ITGB5: variants seen among roughly 807,000 people sequenced by gnomAD.
The protein encoded by ITGB5 is integrin subunit beta 5.
ITGB5 carries 38 observed loss-of-function variants against 84.8 expected under a neutral mutation model. That is an observed-to-expected ratio of 0.45 (90% CI 0.35 to 0.59). ITGB5 has a LOEUF of 0.59. ITGB5 is among the 20% of genes least tolerant of loss of function. The pLI is 0.01. For missense variants in ITGB5, 905 were observed against 1,034.5 expected (o/e 0.87, Z 1.72); for synonymous variants, 393 against 414.4 (o/e 0.95, Z 0.63).
At chr3:124,769,292 G>A in intron 11 of ITGB5, 179 bp from the exon 12 acceptor site, 4 of 574,150 alleles carry the variant, frequency 7.0e-6, no homozygotes, top group Non-Finnish European at 9.3e-6. Context: ...GAAGCCCAAG[G>A]GTTCTTGGAG....
intron 5 of ITGB5, among the ~76,000 whole-genome samples, chr3:124,838,146 G>C (rs776587091): frequency 2.7e-5 from 4 of 150,176 alleles, no homozygotes; most frequent in Non-Finnish European, 5.9e-5. Context: ...CATTAAAGAC[G>C]AACAATGAGT....
At chr3:124,860,482 T>C (rs946600561) in intron 2 of ITGB5, among the ~76,000 whole-genome samples, 26 of 152,224 alleles carry the variant, frequency 1.7e-4, no homozygotes, top group African/African-American at 5.8e-4. Flanking sequence ...AAATCTTTCT[T>C]TGGGTTTGGG....
intron 2 of ITGB5, among the ~76,000 whole-genome samples, chr3:124,872,761 CTCTT>C (rs1405160038): frequency 2.0e-5 from 3 of 152,106 alleles, no homozygotes; most frequent in East Asian, 1.9e-4. Flanking sequence ...CCCTCCCTCT[CTCTT>C]TCTTTCTTTC....
intron 2 of ITGB5, among the ~76,000 whole-genome samples, chr3:124,861,197 T>TA (rs150550465): frequency 0.023 from 3,557 of 152,220 alleles, 130 homozygotes; most frequent in African/African-American, 0.081. Context: ...TGTTTTTTTT[T>TA]AATAACGATT....
At chr3:124,813,897 T>C (rs1435767130) in intron 8 of ITGB5, among the ~76,000 whole-genome samples, 1 of 152,034 alleles carries the variant, frequency 6.6e-6, no homozygotes, top group Admixed American at 6.6e-5. Flanking sequence ...AACCCTCTAA[T>C]CACATGGCTG....
intron 9 of ITGB5, 130 bp from the exon 10 acceptor site, chr3:124,796,947 C>T (rs1371105943): frequency 2.4e-6 from 2 of 830,834 alleles, no homozygotes; most frequent in African/African-American, 1.7e-5. Flanking sequence ...GTAGAACCAC[C>T]AAGATGGCCG....
At chr3:124,852,106 C>G (rs1338316124) in intron 3 of ITGB5, among the ~76,000 whole-genome samples, 1 of 152,160 alleles carries the variant, frequency 6.6e-6, no homozygotes, top group African/African-American at 2.4e-5. Context: ...TTAAAAACAC[C>G]CGAGACTTTA....
chr3:124,810,402 G>T (rs2064479922), intron 8 of ITGB5, among the ~76,000 whole-genome samples: 1 of 152,094 alleles, frequency 6.6e-6, no homozygotes, highest in South Asian at 2.1e-4. Context: ...GGATACTCAG[G>T]TTTATTTAAT....
chr3:124,841,994 A>G (rs530492862), intron 4 of ITGB5, among the ~76,000 whole-genome samples: 5 of 152,366 alleles, frequency 3.3e-5, no homozygotes, highest in South Asian at 2.1e-4. Context: ...ACCAGCTTCT[A>G]CATCAATGTT....
intron 9 of ITGB5, among the ~76,000 whole-genome samples, chr3:124,807,941 CAAAAAAAAAAAAAAAAAAA>C (rs552552243): frequency 0.011 from 301 of 26,774 alleles, no homozygotes; most frequent in Admixed American, 0.017. Flanking sequence ...GACTTCATCT[CAAAAAAAAAAAAAAAAAAA>C]AAAAAAAAAA....
intron 1 of ITGB5, among the ~76,000 whole-genome samples, chr3:124,880,981 AGTTT>A (rs113633976): frequency 3.1e-4 from 46 of 147,822 alleles, no homozygotes; most frequent in African/African-American, 6.0e-4. Flanking sequence ...CATATGTAAA[AGTTT>A]GTTTGTTTGT....
intron 5 of ITGB5, among the ~76,000 whole-genome samples, chr3:124,828,607 C>T (rs533981861): frequency 6.6e-6 from 1 of 152,270 alleles, no homozygotes; most frequent in Non-Finnish European, 1.5e-5. Flanking sequence ...GAGTTGCTTT[C>T]GTGAGTGTAC....
intron 2 of ITGB5, among the ~76,000 whole-genome samples, chr3:124,866,639 A>T (rs114856771): frequency 0.012 from 1,766 of 152,320 alleles, 31 homozygotes; most frequent in African/African-American, 0.04. Flanking sequence ...CAGAGAGCCC[A>T]GGGGAGAAGT....
At chr3:124,767,486 G>C (rs2150923984) in intron 12 of ITGB5, among the ~76,000 whole-genome samples, 1 of 152,358 alleles carries the variant, frequency 6.6e-6, no homozygotes. Context: ...GGAAGCAGCT[G>C]TGCATGAACG....
At position 124,809,028 on chromosome 3, in the gene ITGB5, C is replaced by T; in HGVS notation, c.1257G>A (p.Gly419=). 1 of 1,613,926 alleles carries T rather than the reference C, an allele frequency of 6.2e-7. No individual in the cohort carries two copies. The part of the protein sequence containing the change: ...GQRKCEGLKI[G]DTASFEVSLE... ...AACTTGGGGTGAGACTTACCGTGTC[C>T]CCAATCTTCAGACCCTCACACTTCC... The change falls in exon 9 of 15, where the codon GGG becomes GGA. Residue 419 remains glycine, a synonymous_variant. Coordinates refer to ENST00000296181, the MANE Select transcript of ITGB5 (RefSeq NM_002213.5).
chr3:124,851,641 A>G (rs2065157610), intron 3 of ITGB5, among the ~76,000 whole-genome samples: 1 of 150,678 alleles, frequency 6.6e-6, no homozygotes, highest in African/African-American at 2.5e-5. Flanking sequence ...ACACACACAC[A>G]CGCACACATC....
At chr3:124,842,170 TC>T (rs2065019478) in intron 4 of ITGB5, among the ~76,000 whole-genome samples, 1 of 152,384 alleles carries the variant, frequency 6.6e-6, no homozygotes, top group East Asian at 1.9e-4. Flanking sequence ...AACTATCAAT[TC>T]TGCTAAATGC....
intron 5 of ITGB5, among the ~76,000 whole-genome samples, chr3:124,838,124 T>C (rs1246083662): frequency 6.6e-6 from 1 of 151,886 alleles, no homozygotes; most frequent in Admixed American, 6.6e-5. Flanking sequence ...AGACTGGTCA[T>C]GAGTTAGTAA....
chr3:124,797,413 TGA>T (rs2064247596), intron 9 of ITGB5, among the ~76,000 whole-genome samples: 1 of 152,008 alleles, frequency 6.6e-6, no homozygotes, highest in Non-Finnish European at 1.5e-5. Flanking sequence ...TCCTCCTCTG[TGA>T]GTGCTTGTCA....
Sources: gnomAD v4.1 joint callset for allele counts (sites outside exome capture counted in the v4.1 genomes callset) on GRCh38, gnomAD v4.1.1 for gene constraint, MANE v1.5 for transcripts, NCBI Gene and HGNC (gene_info 2026-07-23, HGNC 2026-07-21) for gene names.